The following GUCY1B1 variants were observed in gnomAD, a reference collection of about 807,000 sequenced individuals.
GUCY1B1 encodes guanylate cyclase soluble subunit beta-1.
In GUCY1B1, 43 loss-of-function variants were observed where a neutral mutation model predicts 71.0. The ratio of observed to expected loss-of-function variants is 0.61; its 90% CI spans 0.47 to 0.78. The LOEUF is 0.78. Among genes scored for constraint, GUCY1B1 ranks in the 30% least tolerant of loss-of-function variants. The probability of loss-of-function intolerance (pLI) is 0.00; values close to 1 mark genes in which losing one functional copy is unlikely to be tolerated. For synonymous variants in GUCY1B1, 266 were observed against 259.7 expected (o/e 1.02, Z -0.23); for missense variants, 535 against 754.1 (o/e 0.71, Z 3.40).
intron 2 of GUCY1B1, among the ~76,000 whole-genome samples, chr4:155,768,958 C>G (rs1445379427): frequency 6.6e-6 from 1 of 152,104 alleles, no homozygotes; most frequent in African/African-American, 2.4e-5. Context: ...ATACTAAGTG[C>G]ACCTTAATTA....
intron 11 of GUCY1B1, 100 bp downstream of exon 11, chr4:155,803,864 G>C (rs1740127086): frequency 1.4e-6 from 1 of 708,570 alleles, no homozygotes; most frequent in Non-Finnish European, 2.2e-6. Flanking sequence ...TATAAAGAAG[G>C]GCATCTTGAC....
chr4:155,765,237 CT>C (rs1737253198), intron 2 of GUCY1B1, among the ~76,000 whole-genome samples: 1 of 152,092 alleles, frequency 6.6e-6, no homozygotes, highest in South Asian at 2.1e-4. Flanking sequence ...GAATAAGGGG[CT>C]CTAGCAAATG....
intron 13 of GUCY1B1, 38 bp downstream of exon 13, chr4:155,805,267 A>T (rs763980296): frequency 2.6e-6 from 4 of 1,547,036 alleles, no homozygotes; most frequent in Middle Eastern, 3.4e-4. Context: ...TACTTAAGAC[A>T]GAGTATAAGT....
chr4:155,788,850 A>G (rs888083174), intron 4 of GUCY1B1, among the ~76,000 whole-genome samples: 5 of 152,114 alleles, frequency 3.3e-5, no homozygotes, highest in African/African-American at 1.2e-4. Context: ...CCTACTATAT[A>G]TGTGCAGCAC....
Position 155,799,422 on chromosome 4 carries a change from A to G in GUCY1B1, c.978-455A>G, listed in dbSNP as rs1263343127. Among the ~76,000 whole-genome samples the G allele has an allele frequency of 4.6e-5, 7 of 152,174 alleles. No homozygotes were observed. In the East Asian group the frequency reaches 1.2e-3, roughly 25 times the overall value. On this transcript the variant is annotated intron_variant, in intron 8 of 13. Coordinates refer to ENST00000264424, the MANE Select transcript of GUCY1B1 (RefSeq NM_000857.5). ...TTTTTACTCATTGTTTCCAAAAGGG[A>G]AAAATAAGCAGTTACAAGATTCATA...
At position 155,796,400 on chromosome 4, in the gene GUCY1B1, A is replaced by C; in HGVS notation, c.867A>C (p.Lys289Asn). The C allele has an allele frequency of 6.2e-7, 1 of 1,613,536 alleles. No individual in the cohort carries two copies. Among genetic ancestry groups the C allele is most frequent in the East Asian group, 2.2e-5 (1 of 44,856 alleles). The change falls in exon 8 of 14, where the codon AAA becomes AAC. Residue 289 changes from lysine (K) to asparagine (N), a missense_variant. Lys to Asn is a moderately conservative substitution (Grantham distance 94). Transcript: ENST00000264424. ...AGGAAGGATTGTTGGATGTGGAGAA[A>C]TTAGAATGTGAGGATGAACTGACTG... ...RSKEGLLDVE[K>N]LECEDELTGT... is the part of the protein sequence containing the mutation.
intron 4 of GUCY1B1, among the ~76,000 whole-genome samples, chr4:155,779,974 C>T (rs1052231892): frequency 2.0e-5 from 3 of 152,096 alleles, no homozygotes; most frequent in Non-Finnish European, 4.4e-5. Context: ...TTCTCTATTT[C>T]CCCCCACACT....
At chr4:155,780,081 T>G (rs764518757) in intron 4 of GUCY1B1, among the ~76,000 whole-genome samples, 8 of 152,184 alleles carry the variant, frequency 5.3e-5, no homozygotes, top group Admixed American at 1.3e-4. Context: ...ACTCTAGTGC[T>G]TTTTCTGAAA....
intron 7 of GUCY1B1, among the ~76,000 whole-genome samples, chr4:155,796,026 G>T (rs2111141689): frequency 6.6e-6 from 1 of 152,296 alleles, no homozygotes. Context: ...TGAATACAGG[G>T]TGGGAGAATG....
intron 4 of GUCY1B1, among the ~76,000 whole-genome samples, chr4:155,782,910 A>G (rs1278172862): frequency 6.6e-6 from 1 of 152,222 alleles, no homozygotes; most frequent in East Asian, 1.9e-4. Context: ...AGAGCTGGAA[A>G]TAACTACCAG....
At chr4:155,759,927 G>T (rs2110941505) in intron 2 of GUCY1B1, 67 bp downstream of exon 2, 4 of 1,179,680 alleles carry the variant, frequency 3.4e-6, no homozygotes, top group East Asian at 4.8e-5. Context: ...CCCGCGCCTC[G>T]CCTGGTCCTC....
intron 2 of GUCY1B1, 132 bp downstream of exon 2, chr4:155,759,992 T>TC: frequency 1.6e-6 from 1 of 620,190 alleles, no homozygotes; most frequent in South Asian, 2.0e-5. Context: ...CGCGCCTCGC[T>TC]CCCGGCTCGC....
intron 11 of GUCY1B1, among the ~76,000 whole-genome samples, chr4:155,804,280 C>T (rs150987994): frequency 2.6e-5 from 4 of 152,212 alleles, no homozygotes; most frequent in Non-Finnish European, 4.4e-5. Context: ...CCAAACACCA[C>T]ATGTTCTCAC....
intron 5 of GUCY1B1, among the ~76,000 whole-genome samples, chr4:155,792,579 G>A (rs909667708): frequency 5.3e-5 from 8 of 151,424 alleles, no homozygotes; most frequent in Non-Finnish European, 8.8e-5. Context: ...ATATACAATA[G>A]CATCTATAGT....
chr4:155,790,927 A>G (rs1739109716), intron 5 of GUCY1B1, among the ~76,000 whole-genome samples: 1 of 152,160 alleles, frequency 6.6e-6, no homozygotes, highest in Non-Finnish European at 1.5e-5. Flanking sequence ...TTAGTTTTCT[A>G]CAACCATTAG....
chr4:155,760,100 G>A (rs1377086699), intron 2 of GUCY1B1, among the ~76,000 whole-genome samples: 1 of 152,172 alleles, frequency 6.6e-6, no homozygotes. Flanking sequence ...AGCCCCTAGG[G>A]GTCACCACGG....
At chr4:155,798,794 C>T (rs1457346726) in intron 8 of GUCY1B1, among the ~76,000 whole-genome samples, 1 of 151,946 alleles carries the variant, frequency 6.6e-6, no homozygotes, top group Non-Finnish European at 1.5e-5. Flanking sequence ...AAATTCAAGC[C>T]AAAGATATAA....
intron 2 of GUCY1B1, among the ~76,000 whole-genome samples, chr4:155,763,892 T>A (rs1055297414): frequency 9.9e-5 from 15 of 151,120 alleles, no homozygotes; most frequent in African/African-American, 3.7e-4. Flanking sequence ...TAAATGATGA[T>A]TTTTTTTTAT....
intron 2 of GUCY1B1, chr4:155,772,624 C>T (rs1167756098): frequency 2.5e-5 from 17 of 690,418 alleles, no homozygotes; most frequent in Admixed American, 4.1e-5. Flanking sequence ...CTTGGTATGT[C>T]GCCCAGGCTG....
Sources: allele counts gnomAD v4.1 joint callset (sites outside exome capture counted in the v4.1 genomes callset), GRCh38; gene constraint gnomAD v4.1.1; transcripts MANE v1.5; gene names NCBI Gene and HGNC (gene_info 2026-07-23, HGNC 2026-07-21).